Variants in SH3KBP1 observed in about 807,000 individuals in gnomAD.
SH3KBP1 encodes the protein SH3 domain-containing kinase-binding protein 1.
A neutral mutation model predicts 50.1 loss-of-function variants in SH3KBP1; 8 were observed. The ratio of observed to expected loss-of-function variants is 0.16; its 90% CI spans 0.09 to 0.29. The LOEUF is 0.29. Among genes scored for constraint, SH3KBP1 ranks in the 10% least tolerant of loss-of-function variants. SH3KBP1 has a pLI of 1.00. For missense variants in SH3KBP1, 377 were observed against 535.2 expected (o/e 0.70, Z 2.92); for synonymous variants, 227 against 218.6 (o/e 1.04, Z -0.34).
intron 1 of SH3KBP1, among the ~76,000 whole-genome samples, chrX:19,846,945 T>C (rs2068382582): frequency 9.0e-6 from 1 of 111,576 alleles, no homozygotes; most frequent in African/African-American, 3.3e-5. Flanking sequence ...ACATGTTGTA[T>C]GAAAGAAGAA....
chrX:19,881,523 T>G (rs946774757), intron 1 of SH3KBP1, among the ~76,000 whole-genome samples: 1 of 111,960 alleles, frequency 8.9e-6, no homozygotes, highest in Non-Finnish European at 1.9e-5. Flanking sequence ...AGGATACCAA[T>G]GATAATCAGC....
At chrX:19,543,700 C>T (rs1052543032) in intron 15 of SH3KBP1, among the ~76,000 whole-genome samples, 9 of 111,239 alleles carry the variant, frequency 8.1e-5, no homozygotes, top group Admixed American at 9.5e-5. Flanking sequence ...CTGGGGAGAC[C>T]CTAAGCTGCA....
chrX:19,753,376 T>C (rs773944091), intron 2 of SH3KBP1, among the ~76,000 whole-genome samples: 1 of 111,845 alleles, frequency 8.9e-6, no homozygotes, highest in Non-Finnish European at 1.9e-5. Context: ...AGGAGATTTT[T>C]AAAAATCACT....
At chrX:19,600,202 G>A (rs2067042175) in intron 9 of SH3KBP1, among the ~76,000 whole-genome samples, 1 of 108,953 alleles carries the variant, frequency 9.2e-6, no homozygotes, top group African/African-American at 3.4e-5. Flanking sequence ...GGGCAACACA[G>A]TGAAAACCCA....
rs763654387 is a variant in SH3KBP1 at position 19,589,313 on chromosome X, G to GC, written c.1139-512dup. Among the ~76,000 whole-genome samples the GC allele has an allele frequency of 8.9e-5, 10 of 112,199 alleles. No homozygotes were observed. The South Asian group carries it at 3.0e-3, about 33-fold the overall frequency. On this transcript the variant is annotated intron_variant, in intron 11 of 17. Transcript: ENST00000397821. Reference sequence around the variant, plus strand: ...GGTGCTGGCATGGAGTCAGGGCTCAGCAGAGGGCTGAGGGGTTTGGTCAAT... The same window carrying GC: ...GGTGCTGGCATGGAGTCAGGGCTCAGCCAGAGGGCTGAGGGGTTTGGTCAAT...
intron 3 of SH3KBP1, among the ~76,000 whole-genome samples, chrX:19,738,694 CAAAAAA>C (rs1193680181): frequency 0.014 from 505 of 37,185 alleles, 7 homozygotes; most frequent in Middle Eastern, 0.12. Flanking sequence ...GTCAGCAATG[CAAAAAA>C]AAAAAAAAAA....
intron 1 of SH3KBP1, among the ~76,000 whole-genome samples, chrX:19,878,121 C>A (rs2147566057): frequency 9.0e-6 from 1 of 111,697 alleles, no homozygotes; most frequent in Non-Finnish European, 1.9e-5. Context: ...GAACTGCCTG[C>A]AAGATATTTA....
chrX:19,851,788 C>T (rs978372189), intron 1 of SH3KBP1, among the ~76,000 whole-genome samples: 37 of 111,944 alleles, frequency 3.3e-4, no homozygotes, highest in Non-Finnish European at 6.2e-4. Context: ...CCTCCTGCCT[C>T]GACGCCCTGA....
At chrX:19,813,108 A>C (rs2067254552) in intron 2 of SH3KBP1, among the ~76,000 whole-genome samples, 1 of 109,738 alleles carries the variant, frequency 9.1e-6, no homozygotes, top group Non-Finnish European at 1.9e-5. Flanking sequence ...GCGCCACTGC[A>C]CTCCAGCCTG....
intron 7 of SH3KBP1, among the ~76,000 whole-genome samples, chrX:19,634,148 CACAGAGAGAG>C (rs1203993079): frequency 5.0e-5 from 5 of 100,174 alleles, no homozygotes; most frequent in Non-Finnish European, 1.0e-4. Flanking sequence ...CACAGAGAGA[CACAGAGAGAG>C]AGAGACATGG....
Position 19,582,773 on chromosome X carries a change from C to T in SH3KBP1, c.1298+5870G>A, listed in dbSNP as rs570330327. 7.1e-5 allele frequency among the ~76,000 whole-genome samples: 8 copies of T among 112,079 alleles called. No individual in the cohort carries two copies. The South Asian group carries it at 3.0e-3, about 41-fold the overall frequency. ...ACAGCGGGAGACAGGCAAAGCTCCC[C>T]AACTCACAGTGAAGGTCCTGCTCTA... On this transcript the variant is annotated intron_variant, in intron 12 of 17. Transcript: ENST00000397821.
chrX:19,694,589 C>A (rs1306139560), intron 5 of SH3KBP1, among the ~76,000 whole-genome samples: 2 of 110,520 alleles, frequency 1.8e-5, no homozygotes, highest in African/African-American at 6.6e-5. Flanking sequence ...ACTGGATAAC[C>A]AGCAAGTGCT....
intron 2 of SH3KBP1, among the ~76,000 whole-genome samples, chrX:19,827,963 A>G (rs148052264): frequency 0.024 from 2,647 of 109,052 alleles, 36 homozygotes; most frequent in Middle Eastern, 0.065. Context: ...AAAGATGATC[A>G]TGTGACCTTT....
intron 3 of SH3KBP1, among the ~76,000 whole-genome samples, chrX:19,733,421 AATATT>A (rs2064437702): frequency 9.1e-6 from 1 of 110,423 alleles, no homozygotes; most frequent in East Asian, 2.8e-4. Context: ...TATATATAAT[AATATT>A]ATATGATAAA....
At chrX:19,804,433 T>C (rs1464998790) in intron 2 of SH3KBP1, among the ~76,000 whole-genome samples, 1 of 110,756 alleles carries the variant, frequency 9.0e-6, no homozygotes, top group Non-Finnish European at 1.9e-5. Flanking sequence ...TTGGACATAC[T>C]CATAAAGAAC....
chrX:19,624,022 T>C (rs1410466443), intron 8 of SH3KBP1, among the ~76,000 whole-genome samples: 4 of 111,927 alleles, frequency 3.6e-5, no homozygotes, highest in Non-Finnish European at 7.5e-5. Flanking sequence ...AGACAGAGTC[T>C]CTCGCTATGT....
chrX:19,575,079 A>G (rs2066155961), intron 12 of SH3KBP1, among the ~76,000 whole-genome samples: 1 of 112,558 alleles, frequency 8.9e-6, no homozygotes, highest in Non-Finnish European at 1.9e-5. Flanking sequence ...AACAAAAAAC[A>G]GCCAACGACA....
chrX:19,621,022 T>TA (rs1373336187), intron 8 of SH3KBP1, among the ~76,000 whole-genome samples: 1 of 107,764 alleles, frequency 9.3e-6, no homozygotes, highest in Non-Finnish European at 1.9e-5. Context: ...GTTTTTTTTT[T>TA]TTTTTTCTGC....
At position 19,822,154 on chromosome X, in the gene SH3KBP1, T is replaced by C. The variant is rs771036267; in HGVS notation, c.162+13971A>G. Among the ~76,000 whole-genome samples the C allele has an allele frequency of 7.1e-5, 8 of 112,583 alleles. No homozygotes were observed. The East Asian group carries it at 2.2e-3, about 31-fold the overall frequency. ...GTATGTATCTTGGCATAGATTTCTC[T>C]AGGTTTATCCTGTTTAGGTTTTGCT... On this transcript the variant is annotated intron_variant, in intron 2 of 17. Transcript: ENST00000397821.
Sources: allele counts gnomAD v4.1 joint callset (sites outside exome capture counted in the v4.1 genomes callset), GRCh38; gene constraint gnomAD v4.1.1; transcripts MANE v1.5; gene names NCBI Gene and HGNC (gene_info 2026-07-23, HGNC 2026-07-21).